AGBL1: variants seen among roughly 807,000 people sequenced by gnomAD.
AGBL1 encodes the protein AGBL carboxypeptidase 1.
In AGBL1, 130 loss-of-function variants were observed where a neutral mutation model predicts 118.9. That is an observed-to-expected ratio of 1.09 (90% CI 0.95 to 1.26). The LOEUF (loss-of-function observed/expected upper bound fraction) is 1.26. Among genes scored for constraint, AGBL1 ranks in the 50% most tolerant of loss-of-function variants. The pLI is 0.00. For synonymous variants in AGBL1, 555 were observed against 478.9 expected (o/e 1.16, Z -2.08); for missense variants, 1,584 against 1,298.1 (o/e 1.22, Z -3.38).
chr15:86,255,436 C>A (rs2142010021), intron 7 of AGBL1, among the ~76,000 whole-genome samples: 2 of 152,270 alleles, frequency 1.3e-5, no homozygotes, highest in Middle Eastern at 3.4e-3. Context: ...CTGGCACACA[C>A]TGAAGGAGAG....
intron 21 of AGBL1, among the ~76,000 whole-genome samples, chr15:86,602,026 G>A (rs2084502623): frequency 6.6e-6 from 1 of 151,702 alleles, no homozygotes; most frequent in South Asian, 2.1e-4. Context: ...TATCTTAATT[G>A]TTCTCTCCCT....
intron 21 of AGBL1, among the ~76,000 whole-genome samples, chr15:86,555,954 G>A (rs541960799): frequency 3.9e-5 from 6 of 152,236 alleles, no homozygotes; most frequent in Middle Eastern, 3.4e-3. Flanking sequence ...TATGGACATA[G>A]GTTTGTGTCT....
At chr15:86,677,837 A>G (rs534323466) in intron 22 of AGBL1, among the ~76,000 whole-genome samples, 180 of 152,264 alleles carry the variant, frequency 1.2e-3, no homozygotes, top group African/African-American at 4.1e-3. Flanking sequence ...AAGGTGCTTG[A>G]TTTTCATTTG....
intron 22 of AGBL1, among the ~76,000 whole-genome samples, chr15:86,763,542 G>T (rs1170354477): frequency 6.6e-6 from 1 of 151,976 alleles, no homozygotes; most frequent in African/African-American, 2.4e-5. Flanking sequence ...TAGGACTTCA[G>T]AGATTGTGGT....
chr15:86,804,544 G>A (rs2078692419), intron 22 of AGBL1, among the ~76,000 whole-genome samples: 1 of 152,150 alleles, frequency 6.6e-6, no homozygotes, highest in African/African-American at 2.4e-5. Context: ...CAAAATGGAA[G>A]GAAGCGAAGC....
At chr15:86,158,409 A>G (rs984273813) in intron 4 of AGBL1, among the ~76,000 whole-genome samples, 1 of 152,188 alleles carries the variant, frequency 6.6e-6, no homozygotes, top group Non-Finnish European at 1.5e-5. Flanking sequence ...TCTTTGTCTT[A>G]AAAACACAAG....
intron 21 of AGBL1, among the ~76,000 whole-genome samples, chr15:86,586,268 A>C (rs2084246822): frequency 6.6e-6 from 1 of 152,220 alleles, no homozygotes. Context: ...AAACATTCAT[A>C]ACTGAATGAT....
chr15:86,265,467 T>C (rs1486976536), intron 11 of AGBL1, among the ~76,000 whole-genome samples: 1 of 152,060 alleles, frequency 6.6e-6, no homozygotes, highest in African/African-American at 2.4e-5. Context: ...TGAAAACTGC[T>C]AAAGGCAAAG....
At chr15:86,976,754 T>A (rs566172655) in intron 23 of AGBL1, among the ~76,000 whole-genome samples, 99 of 152,156 alleles carry the variant, frequency 6.5e-4, no homozygotes, top group African/African-American at 2.4e-3. Flanking sequence ...GTATCTTTTT[T>A]ATTACAAAAA....
At chr15:86,445,226 G>A (rs2082107725) in intron 18 of AGBL1, among the ~76,000 whole-genome samples, 1 of 152,230 alleles carries the variant, frequency 6.6e-6, no homozygotes, top group Admixed American at 6.5e-5. Context: ...GCTGACAGGA[G>A]TAGCAAGTCA....
chr15:86,989,912 TG>T (rs1390520805), intron 24 of AGBL1, among the ~76,000 whole-genome samples: 6 of 152,144 alleles, frequency 3.9e-5, no homozygotes, highest in African/African-American at 1.4e-4. Flanking sequence ...TTGGTCAGGA[TG>T]GCGAAGGGGT....
chr15:86,377,305 C>T (rs1036109593), intron 17 of AGBL1, among the ~76,000 whole-genome samples: 1 of 152,210 alleles, frequency 6.6e-6, no homozygotes, highest in Non-Finnish European at 1.5e-5. Flanking sequence ...ACTCACATGG[C>T]ATGTCTCAGT....
At chr15:86,989,193 G>A (rs1195724304) in intron 24 of AGBL1, among the ~76,000 whole-genome samples, 4 of 151,840 alleles carry the variant, frequency 2.6e-5, no homozygotes, top group Non-Finnish European at 5.9e-5. Flanking sequence ...TAGAGATAGG[G>A]TCTCACTATG....
intron 17 of AGBL1, among the ~76,000 whole-genome samples, chr15:86,342,738 T>C (rs527388323): frequency 3.3e-5 from 5 of 152,320 alleles, no homozygotes; most frequent in Admixed American, 1.3e-4. Flanking sequence ...GTATGTTTGT[T>C]ATGATGATTA....
At chr15:86,568,761 T>G (rs1199373303) in intron 21 of AGBL1, among the ~76,000 whole-genome samples, 3 of 152,104 alleles carry the variant, frequency 2.0e-5, no homozygotes, top group African/African-American at 7.2e-5. Context: ...TCCCATAAAT[T>G]TGAGAAACAT....
At chr15:86,898,410 A>G (rs1467186030) in intron 22 of AGBL1, among the ~76,000 whole-genome samples, 2 of 152,174 alleles carry the variant, frequency 1.3e-5, no homozygotes, top group African/African-American at 4.8e-5. Context: ...TCCAGCTTCA[A>G]TCTGCTGCAT....
chr15:86,340,531 T>C lies in AGBL1; in HGVS notation c.2374+45123T>C, dbSNP rs115602208. ...CTATGCTGTCACAAGCCAAAGATCA[T>C]CTGGAGGCTCCAGAAGCTGGAAGAG... On this transcript the variant is annotated intron_variant, in intron 17 of 22. Coordinates refer to ENST00000614907, the MANE Select transcript of AGBL1 (RefSeq NM_001386094.1). Among the ~76,000 whole-genome samples the C allele has an allele frequency of 9.0e-3, 1,367 of 152,286 alleles. 27 individuals carry two copies. The highest frequency in any genetic ancestry group is 0.031 in the African/African-American group (1,302 of 41,548).
chr15:86,733,230 A>T lies in AGBL1; in HGVS notation c.3158+58794A>T, dbSNP rs532336420. ...GTGTCCAAAAGCCTGAGAACTGGGG[A>T]TAAGGGGTGGGGGTAGAGCTTGCTC... On this transcript the variant is annotated intron_variant, in intron 22 of 22. Transcript: ENST00000614907. 2.4e-3 allele frequency among the ~76,000 whole-genome samples: 365 copies of T among 152,168 alleles called. 3 individuals carry two copies. Among genetic ancestry groups the T allele is most frequent in the Middle Eastern group, 0.014 (4 of 292 alleles).
chr15:86,466,561 G>T (rs2082410459), intron 18 of AGBL1, among the ~76,000 whole-genome samples: 1 of 152,208 alleles, frequency 6.6e-6, no homozygotes, highest in South Asian at 2.1e-4. Flanking sequence ...ATCCATTGGA[G>T]GAGAAGAGGC....
Sources: gnomAD v4.1 joint callset for allele counts (sites outside exome capture counted in the v4.1 genomes callset) on GRCh38, gnomAD v4.1.1 for gene constraint, MANE v1.5 for transcripts, NCBI Gene and HGNC (gene_info 2026-07-23, HGNC 2026-07-21) for gene names.